MGAT4C: variants seen among roughly 807,000 people sequenced by gnomAD.
MGAT4C encodes the protein alpha-1,3-mannosyl-glycoprotein 4-beta-N-acetylglucosaminyltransferase C.
Under a neutral mutation model 40.1 loss-of-function variants are expected in MGAT4C, and 19 were observed. That is an observed-to-expected ratio of 0.47 (90% CI 0.33 to 0.70). The LOEUF is 0.70. MGAT4C is among the 30% of genes least tolerant of loss of function. MGAT4C has a pLI of 0.02. For missense variants in MGAT4C, 491 were observed against 563.2 expected (o/e 0.87, Z 1.30); for synonymous variants, 181 against 187.1 (o/e 0.97, Z 0.27).
intron 1 of MGAT4C, among the ~76,000 whole-genome samples, chr12:86,759,468 T>C (rs1951363972): frequency 6.6e-6 from 1 of 152,156 alleles, no homozygotes; most frequent in African/African-American, 2.4e-5. Flanking sequence ...CCTTACTGTT[T>C]TTCAGAATAG....
At chr12:85,999,055 G>A (rs1886977774) in intron 2 of MGAT4C, among the ~76,000 whole-genome samples, 1 of 152,134 alleles carries the variant, frequency 6.6e-6, no homozygotes, top group African/African-American at 2.4e-5. Flanking sequence ...ATGGTGGAAG[G>A]CAAGAAAGAA....
At chr12:86,692,975 G>A (rs995355880) in intron 2 of MGAT4C, among the ~76,000 whole-genome samples, 4 of 152,182 alleles carry the variant, frequency 2.6e-5, no homozygotes, top group African/African-American at 9.7e-5. Context: ...TGGACCTTCT[G>A]TAACTAGAGT....
chr12:86,470,595 TAC>T (rs1326389914), intron 2 of MGAT4C, among the ~76,000 whole-genome samples: 1 of 152,204 alleles, frequency 6.6e-6, no homozygotes, highest in Non-Finnish European at 1.5e-5. Context: ...TCTAAACTGA[TAC>T]AGTGTCTCTA....
intron 4 of MGAT4C, among the ~76,000 whole-genome samples, chr12:85,982,526 C>A (rs1262476137): frequency 6.6e-6 from 1 of 152,168 alleles, no homozygotes; most frequent in African/African-American, 2.4e-5. Flanking sequence ...ATTTAAAAAT[C>A]AGGCTGCATA....
At chr12:86,127,338 T>C (rs1261431014) in intron 1 of MGAT4C, among the ~76,000 whole-genome samples, 1 of 152,134 alleles carries the variant, frequency 6.6e-6, no homozygotes, top group East Asian at 1.9e-4. Context: ...AAAAGTATGA[T>C]ATAAAAATTA....
In MGAT4C at chr12:86,304,236, T is replaced by A. The variant is rs374838863; in HGVS notation, c.-57+29829A>T. Among the ~76,000 whole-genome samples the A allele has an allele frequency of 4.6e-5, 7 of 150,656 alleles. 1 individual carries two copies. Among genetic ancestry groups the A allele is most frequent in the African/African-American group, 1.7e-4 (7 of 40,044 alleles). ...TTCCAAAATGATTTTTGCTGGCAGA[T>A]AAGCTTTTTTTGTTGCAAACTTGTG... On this transcript the variant is annotated intron_variant, in intron 4 of 7. Transcript: ENST00000548651.
chr12:86,522,646 T>G (rs1042839384), intron 2 of MGAT4C, among the ~76,000 whole-genome samples: 4 of 152,104 alleles, frequency 2.6e-5, no homozygotes, highest in Non-Finnish European at 5.9e-5. Context: ...CCTCCTCAAT[T>G]TTTTGGAATA....
In MGAT4C at chr12:86,670,270, A is replaced by G. The variant is rs1010393443; in HGVS notation, c.-229+56939T>C. Among the ~76,000 whole-genome samples the G allele has an allele frequency of 3.3e-5, 5 of 152,274 alleles. No individual in the cohort carries two copies. In the East Asian group the frequency reaches 9.7e-4, roughly 29 times the overall value. Reference sequence around the variant, plus strand: ...AACAAATGGATTTCAAGGAAGCTCAATGAATTCCAACTCAAGTTTGAAAAT... The same window carrying G: ...AACAAATGGATTTCAAGGAAGCTCAGTGAATTCCAACTCAAGTTTGAAAAT... On this transcript the variant is annotated intron_variant, in intron 2 of 7. Coordinates refer to the MGAT4C transcript ENST00000548651.
At chr12:86,366,546 A>G (rs1955600370) in intron 3 of MGAT4C, among the ~76,000 whole-genome samples, 1 of 152,180 alleles carries the variant, frequency 6.6e-6, no homozygotes, top group Non-Finnish European at 1.5e-5. Flanking sequence ...AAAGATGGCA[A>G]CAACAGACAC....
chr12:86,790,285 G>T (rs1016162644), intron 1 of MGAT4C, among the ~76,000 whole-genome samples: 2 of 152,050 alleles, frequency 1.3e-5, no homozygotes, highest in Non-Finnish European at 2.9e-5. Flanking sequence ...AGCCACAATT[G>T]CATTTGGAGT....
intron 4 of MGAT4C, among the ~76,000 whole-genome samples, chr12:86,297,937 C>T (rs145294880): frequency 9.3e-4 from 142 of 151,972 alleles, no homozygotes; most frequent in African/African-American, 3.1e-3. Flanking sequence ...ATTTTAAAGT[C>T]AGTGATGGGA....
chr12:86,215,567 A>G (rs949260899), intron 1 of MGAT4C, among the ~76,000 whole-genome samples: 1 of 152,196 alleles, frequency 6.6e-6, no homozygotes, highest in Non-Finnish European at 1.5e-5. Flanking sequence ...AATAAAGCCA[A>G]TGATGAGCTG....
chr12:86,438,814 AG>A (rs1489663980), intron 2 of MGAT4C, among the ~76,000 whole-genome samples: 1 of 151,936 alleles, frequency 6.6e-6, no homozygotes, highest in Admixed American at 6.6e-5. Flanking sequence ...GAGGGCAAGC[AG>A]GAGTAGCTAT....
At chr12:86,657,146 A>G (rs1327340329) in intron 2 of MGAT4C, among the ~76,000 whole-genome samples, 2 of 152,044 alleles carry the variant, frequency 1.3e-5, no homozygotes, top group Non-Finnish European at 2.9e-5. Context: ...AAATTACCAG[A>G]AAAGAGGGCA....
rs36014209 is a variant in MGAT4C at position 86,286,921 on chromosome 12, T to A, written c.-57+47144A>T. ...TGTTTCTGCAAAGGACAGGATCTCA[T>A]TCTTTTCTGTGGGTGCATGGTATTC... On this transcript the variant is annotated intron_variant, in intron 4 of 7. Transcript: ENST00000548651. Among the ~76,000 whole-genome samples, 826 of 152,298 alleles carry A rather than the reference T, an allele frequency of 5.4e-3. 24 individuals carry two copies. The East Asian group carries it at 0.074, about 14-fold the overall frequency.
intron 2 of MGAT4C, among the ~76,000 whole-genome samples, chr12:85,992,522 C>T (rs1407722845): frequency 6.6e-6 from 1 of 152,142 alleles, no homozygotes; most frequent in Non-Finnish European, 1.5e-5. Flanking sequence ...CCCATCTCTT[C>T]TTTATATACA....
At chr12:86,613,306 A>C (rs1279028957) in intron 2 of MGAT4C, among the ~76,000 whole-genome samples, 7 of 152,202 alleles carry the variant, frequency 4.6e-5, no homozygotes, top group Admixed American at 3.9e-4. Flanking sequence ...GGTTCTCTCA[A>C]CATGTAATTA....
chr12:86,298,105 AACTT>A, intron 4 of MGAT4C, among the ~76,000 whole-genome samples: 1 of 152,138 alleles, frequency 6.6e-6, no homozygotes, highest in Non-Finnish European at 1.5e-5. Flanking sequence ...TTTGGAGAAA[AACTT>A]AATAAAAGCC....
rs188327850 is a variant in MGAT4C, at chr12:86,698,040, G to T, written c.-229+29169C>A. 4.6e-5 allele frequency among the ~76,000 whole-genome samples: 7 copies of T among 152,004 alleles called. No individual in the cohort carries two copies. The East Asian group carries it at 1.4e-3, about 29-fold the overall frequency. On this transcript the variant is annotated intron_variant, in intron 2 of 7. Coordinates refer to the MGAT4C transcript ENST00000548651. Reference sequence around the variant, plus strand: ...GTGTGAATTATAGTTCCCAGCATGTGGCAATAATGCGAAAAATATGGTTTT... The same window carrying T: ...GTGTGAATTATAGTTCCCAGCATGTTGCAATAATGCGAAAAATATGGTTTT...
Sources: gnomAD v4.1 joint callset for allele counts (sites outside exome capture counted in the v4.1 genomes callset) on GRCh38, gnomAD v4.1.1 for gene constraint, MANE v1.5 for transcripts, NCBI Gene and HGNC (gene_info 2026-07-23, HGNC 2026-07-21) for gene names.